Variants in PTPRZ1 observed in about 807,000 individuals in gnomAD.
PTPRZ1 encodes the protein receptor-type tyrosine-protein phosphatase zeta.
In PTPRZ1, 82 loss-of-function variants were observed where a neutral mutation model predicts 214.1. The ratio of observed to expected loss-of-function variants is 0.38; its 90% CI spans 0.32 to 0.46. PTPRZ1 has a LOEUF of 0.46. PTPRZ1 is among the 20% of genes least tolerant of loss of function. PTPRZ1 has a pLI of 1.00. For synonymous variants in PTPRZ1, 945 were observed against 987.9 expected (o/e 0.96, Z 0.81); for missense variants, 2,603 against 2,748.7 (o/e 0.95, Z 1.19).
chr7:121,966,828 G>A (rs893628777), intron 2 of PTPRZ1: 1 of 152,136 alleles, frequency 6.6e-6, no homozygotes, highest in African/African-American at 2.4e-5. Flanking sequence ...AGAAGACAGT[G>A]TAGACTAGGA....
rs191479068 is a variant in PTPRZ1 at position 121,952,831 on chromosome 7, G to C, written c.125-15120G>C. On this transcript the variant is annotated intron_variant, in intron 2 of 29. Transcript: ENST00000393386. ...TATTTGCAATGTAAGCTGATGATCAGCTTGTTTTAGCTGATTTATAAATTG... is the reference window on the plus strand; with the variant it reads ...TATTTGCAATGTAAGCTGATGATCACCTTGTTTTAGCTGATTTATAAATTG... Among the ~76,000 whole-genome samples the C allele has an allele frequency of 8.4e-4, 128 of 152,262 alleles. No homozygotes were observed. The East Asian group carries it at 0.012, about 14-fold the overall frequency.
intron 17 of PTPRZ1, 111 bp downstream of exon 17, chr7:122,034,489 CT>C (rs1799479261): frequency 1.1e-5 from 9 of 844,386 alleles, no homozygotes; most frequent in South Asian, 1.7e-5. Flanking sequence ...TGTTTGGGGC[CT>C]TTTTATCAGG....
At chr7:121,925,648 A>G (rs1795734336) in intron 1 of PTPRZ1, among the ~76,000 whole-genome samples, 1 of 152,222 alleles carries the variant, frequency 6.6e-6, no homozygotes. Context: ...TAAGTGCTGG[A>G]GTGAGCTTGT....
chr7:122,029,752 CAT>C (rs765988789), intron 14 of PTPRZ1, among the ~76,000 whole-genome samples: 4 of 151,256 alleles, frequency 2.6e-5, no homozygotes, highest in East Asian at 1.9e-4. Flanking sequence ...ATGTTTATGT[CAT>C]ATGTTATATA....
At chr7:121,993,832 C>T (rs1798047019) in intron 8 of PTPRZ1, among the ~76,000 whole-genome samples, 1 of 152,030 alleles carries the variant, frequency 6.6e-6, no homozygotes, top group African/African-American at 2.4e-5. Flanking sequence ...CTGTTAATAA[C>T]ATTCTAAAGT....
intron 6 of PTPRZ1, among the ~76,000 whole-genome samples, chr7:121,978,312 C>G (rs1489230270): frequency 2.0e-5 from 3 of 152,180 alleles, no homozygotes; most frequent in Non-Finnish European, 4.4e-5. Context: ...CCCCCTCTCT[C>G]TCTGTCTCTC....
chr7:121,964,593 A>G (rs1490448783), intron 2 of PTPRZ1, among the ~76,000 whole-genome samples: 3 of 152,064 alleles, frequency 2.0e-5, no homozygotes, highest in Non-Finnish European at 4.4e-5. Flanking sequence ...AACACCGACT[A>G]TGTGCTAGTC....
At chr7:121,985,089 TA>T (rs1408201314) in intron 8 of PTPRZ1, among the ~76,000 whole-genome samples, 1 of 152,232 alleles carries the variant, frequency 6.6e-6, no homozygotes, top group Non-Finnish European at 1.5e-5. Flanking sequence ...TTTAATGTGA[TA>T]TTTCCAAGAA....
intron 10 of PTPRZ1, 58 bp from the exon 11 acceptor site, chr7:122,004,556 C>T: frequency 1.1e-6 from 1 of 948,066 alleles, no homozygotes; most frequent in Non-Finnish European, 1.6e-6. Flanking sequence ...AAAGGTAAAT[C>T]CACAAAGGCC....
chr7:121,925,324 C>T (rs536644800), intron 1 of PTPRZ1, among the ~76,000 whole-genome samples: 1 of 152,230 alleles, frequency 6.6e-6, no homozygotes, highest in South Asian at 2.1e-4. Context: ...TCTTAAATAA[C>T]TAGCATTTTA....
At chr7:121,951,558 T>A (rs1796542074) in intron 2 of PTPRZ1, among the ~76,000 whole-genome samples, 1 of 152,196 alleles carries the variant, frequency 6.6e-6, no homozygotes, top group African/African-American at 2.4e-5. Context: ...ACTTTTACCT[T>A]GTCCTTAACT....
intron 1 of PTPRZ1, among the ~76,000 whole-genome samples, chr7:121,918,737 T>C (rs1482145903): frequency 6.6e-6 from 1 of 151,868 alleles, no homozygotes; most frequent in African/African-American, 2.4e-5. Flanking sequence ...TGAAAACATA[T>C]GAAAAAATAA....
rs1356920355 is a variant in PTPRZ1, at chr7:122,040,910, T to C, written c.5732T>C (p.Val1911Ala). 1 of 1,605,060 alleles carries C rather than the reference T, an allele frequency of 6.2e-7. No individual in the cohort carries two copies. Among genetic ancestry groups the C allele is most frequent in the African/African-American group, 1.3e-5 (1 of 74,744 alleles). Residue 1911 changes from valine to alanine, a missense_variant, in exon 21 of 30, where the codon GTG becomes GCG. Coordinates refer to ENST00000393386, the MANE Select transcript of PTPRZ1 (RefSeq NM_002851.3). ...GGAGTACCAGAGTACTCCCTGCCAG[T>C]GCTGACCTTTGTGAGAAAGGCAGCC... is the stretch of plus-strand genomic sequence containing the variant. Reference protein sequence around the residue: ...DMGVPEYSLPVLTFVRKAAYA... With the variant: ...DMGVPEYSLPALTFVRKAAYA...
intron 27 of PTPRZ1, among the ~76,000 whole-genome samples, chr7:122,056,234 C>A (rs1792345727): frequency 6.6e-6 from 1 of 151,820 alleles, no homozygotes; most frequent in South Asian, 2.1e-4. Flanking sequence ...TATCTTGTCA[C>A]ACCCATTATC....
intron 1 of PTPRZ1, among the ~76,000 whole-genome samples, chr7:121,901,259 AC>A (rs1477035762): frequency 6.6e-6 from 1 of 152,124 alleles, no homozygotes; most frequent in African/African-American, 2.4e-5. Context: ...TTCACAACCT[AC>A]TCAAAGTGAG....
At chr7:121,963,404 TC>T (rs1796940344) in intron 2 of PTPRZ1, among the ~76,000 whole-genome samples, 1 of 152,124 alleles carries the variant, frequency 6.6e-6, no homozygotes, top group Non-Finnish European at 1.5e-5. Context: ...TATGTGTCAT[TC>T]GTTTTTTCTT....
chr7:121,888,372 A>G (rs1239927805), intron 1 of PTPRZ1, among the ~76,000 whole-genome samples: 1 of 152,080 alleles, frequency 6.6e-6, no homozygotes, highest in East Asian at 1.9e-4. Context: ...GTCTATCAAG[A>G]TGGGGCAAAC....
rs1050850162 is a variant in PTPRZ1, at chr7:121,903,359, G to T, written c.59-24797G>T. On this transcript the variant is annotated intron_variant, in intron 1 of 29. Coordinates refer to ENST00000393386, the MANE Select transcript of PTPRZ1 (RefSeq NM_002851.3). Reference sequence around the variant, plus strand: ...TCATTTATTCACTTAAAAAGCTGTTGTCATGTTCATTATTTGTACAATGAA... The same window carrying T: ...TCATTTATTCACTTAAAAAGCTGTTTTCATGTTCATTATTTGTACAATGAA... Among the ~76,000 whole-genome samples, 19 of 152,056 alleles carry T rather than the reference G, an allele frequency of 1.2e-4. No individual in the cohort carries two copies. In the East Asian group the frequency reaches 1.5e-3, roughly 12 times the overall value.
At chr7:121,880,611 T>A (rs1794209546) in intron 1 of PTPRZ1, among the ~76,000 whole-genome samples, 1 of 152,158 alleles carries the variant, frequency 6.6e-6, no homozygotes, top group African/African-American at 2.4e-5. Flanking sequence ...AAATAAAACA[T>A]TGATTTTTAA....
Sources: allele counts gnomAD v4.1 joint callset (sites outside exome capture counted in the v4.1 genomes callset), GRCh38; gene constraint gnomAD v4.1.1; transcripts MANE v1.5; gene names NCBI Gene and HGNC (gene_info 2026-07-23, HGNC 2026-07-21).